The following DYNLT2B variants were observed in gnomAD, a reference collection of about 807,000 sequenced individuals.
DYNLT2B encodes dynein light chain Tctex-type protein 2B.
A neutral mutation model predicts 19.5 loss-of-function variants in DYNLT2B; 14 were observed. That is an observed-to-expected ratio of 0.72 (90% CI 0.47 to 1.12). The LOEUF is 1.12. Ranked by LOEUF, DYNLT2B falls within the 50% of genes most tolerant of loss-of-function variation. The probability of loss-of-function intolerance (pLI) is 0.00; values close to 1 mark genes in which losing one functional copy is unlikely to be tolerated. For synonymous variants in DYNLT2B, 70 were observed against 59.7 expected, an observed-to-expected ratio of 1.17 and a Z score of -0.79; for missense variants, 133 against 174.7, an observed-to-expected ratio of 0.76 and a Z score of 1.35.
chr3:196,298,556 G>A (rs896255436), intron 3 of DYNLT2B, among the ~76,000 whole-genome samples: 4 of 151,648 alleles, frequency 2.6e-5, no homozygotes, highest in Admixed American at 2.0e-4. Context: ...TCAAGCAATC[G>A]GCCCACCTCA....
chr3:196,317,154 AGTGTGTGT>A (rs199908321), intron 1 of DYNLT2B, among the ~76,000 whole-genome samples: 7 of 34,946 alleles, frequency 2.0e-4, no homozygotes, highest in African/African-American at 4.8e-4. Flanking sequence ...ATTTTTTTTC[AGTGTGTGT>A]GTGTGTGTGT....
At chr3:196,296,783 G>A (rs1478222723) in intron 3 of DYNLT2B, among the ~76,000 whole-genome samples, 2 of 152,164 alleles carry the variant, frequency 1.3e-5, no homozygotes, top group African/African-American at 2.4e-5. Context: ...ACACAGTGAC[G>A]TGTCCCTGTA....
intron 3 of DYNLT2B, among the ~76,000 whole-genome samples, chr3:196,296,981 C>T (rs60289058): frequency 0.018 from 2,668 of 147,120 alleles, 79 homozygotes; most frequent in African/African-American, 0.061. Flanking sequence ...ATCACGAGGT[C>T]GGGGGATCGA....
chr3:196,306,591 C>A (rs1428976422), intron 3 of DYNLT2B, among the ~76,000 whole-genome samples: 3 of 152,030 alleles, frequency 2.0e-5, no homozygotes, highest in African/African-American at 7.2e-5. Flanking sequence ...CTCTGTCACC[C>A]AGGCTGGAGT....
intron 3 of DYNLT2B, among the ~76,000 whole-genome samples, chr3:196,302,202 C>T (rs879286958): frequency 6.6e-6 from 1 of 152,132 alleles, no homozygotes; most frequent in Non-Finnish European, 1.5e-5. Flanking sequence ...AAAGACCAAA[C>T]ATACATGTAA....
intron 3 of DYNLT2B, among the ~76,000 whole-genome samples, chr3:196,296,927 TA>T (rs925940346): frequency 6.8e-6 from 1 of 147,452 alleles, no homozygotes; most frequent in Non-Finnish European, 1.5e-5. Flanking sequence ...CCCTGGCTCT[TA>T]AAAAAAAAAC....
intron 2 of DYNLT2B, among the ~76,000 whole-genome samples, chr3:196,312,615 C>A (rs1037471498): frequency 1.3e-5 from 2 of 151,856 alleles, no homozygotes; most frequent in East Asian, 3.9e-4. Flanking sequence ...CCCACTACCA[C>A]GCCCGGCTAA....
At chr3:196,296,128 A>C in intron 3 of DYNLT2B, 59 bp from the exon 4 acceptor site, 1 of 1,396,032 alleles carries the variant, frequency 7.2e-7, no homozygotes, top group Non-Finnish European at 1.0e-6. Flanking sequence ...AACGACACAT[A>C]TCTGCCACGA....
At chr3:196,295,077 TACTCTA>T (rs1193726999) in intron 4 of DYNLT2B, among the ~76,000 whole-genome samples, 1 of 152,146 alleles carries the variant, frequency 6.6e-6, no homozygotes, top group Non-Finnish European at 1.5e-5. Flanking sequence ...GTTTCTGTTC[TACTCTA>T]ACTCTGACTC....
At chr3:196,306,350 C>T (rs943217300) in intron 3 of DYNLT2B, among the ~76,000 whole-genome samples, 5 of 150,690 alleles carry the variant, frequency 3.3e-5, no homozygotes, top group Middle Eastern at 3.4e-3. Flanking sequence ...ATCACTTGAG[C>T]CCAGGAGGCC....
chr3:196,308,469 T>A (rs1577391717), intron 2 of DYNLT2B, among the ~76,000 whole-genome samples: 2 of 152,184 alleles, frequency 1.3e-5, no homozygotes, highest in South Asian at 2.1e-4. Flanking sequence ...CTCCAGAAAC[T>A]ACGTTGCTAA....
chr3:196,317,970 T>G, intron 1 of DYNLT2B, 70 bp downstream of exon 1: 1 of 943,400 alleles, frequency 1.1e-6, no homozygotes, highest in Non-Finnish European at 1.4e-6. Context: ...GTGGCCCAGG[T>G]CCCAGGCGAG....
intron 4 of DYNLT2B, among the ~76,000 whole-genome samples, chr3:196,294,423 C>T (rs994240657): frequency 2.0e-5 from 3 of 152,202 alleles, no homozygotes; most frequent in Non-Finnish European, 2.9e-5. Flanking sequence ...TTAAAATCAT[C>T]TACATAAGCA....
At chr3:196,318,018 C>T (rs1726933256) in intron 1 of DYNLT2B, 22 bp downstream of exon 1, 2 of 1,447,888 alleles carry the variant, frequency 1.4e-6, no homozygotes, top group South Asian at 2.7e-5. Context: ...GGTCGCCCCG[C>T]CACAGCCCGT....
chr3:196,297,299 C>T (rs1172817049), intron 3 of DYNLT2B, among the ~76,000 whole-genome samples: 6 of 151,996 alleles, frequency 3.9e-5, no homozygotes, highest in Admixed American at 2.6e-4. Context: ...CTGAGGTGGG[C>T]GAATCACCTG....
intron 3 of DYNLT2B, among the ~76,000 whole-genome samples, chr3:196,303,313 A>G (rs1379559732): frequency 6.6e-6 from 1 of 152,142 alleles, no homozygotes; most frequent in Non-Finnish European, 1.5e-5. Context: ...GGTCTCCCGC[A>G]CAGCCGGCTG....
intron 3 of DYNLT2B, among the ~76,000 whole-genome samples, chr3:196,300,730 CAAAAAAAAAAAA>C (rs1171224774): frequency 1.5e-4 from 10 of 68,852 alleles, no homozygotes; most frequent in South Asian, 1.1e-3. Flanking sequence ...ACTCTGTCTC[CAAAAAAAAAAAA>C]AAAAAAAAAA....
intron 2 of DYNLT2B, 86 bp from the exon 3 acceptor site, chr3:196,307,098 A>G (rs1726509529): frequency 8.6e-7 from 1 of 1,158,702 alleles, no homozygotes; most frequent in African/African-American, 1.5e-5. Context: ...ATGGACATAA[A>G]CATTCAATCC....
intron 3 of DYNLT2B, among the ~76,000 whole-genome samples, chr3:196,306,190 T>C (rs77054150): frequency 0.08 from 12,089 of 150,538 alleles, 609 homozygotes; most frequent in African/African-American, 0.13. Flanking sequence ...GGCTGGTGAA[T>C]TGCCTGAGCC....
Sources: allele counts gnomAD v4.1 joint callset (sites outside exome capture counted in the v4.1 genomes callset), GRCh38; gene constraint gnomAD v4.1.1; transcripts MANE v1.5; gene names NCBI Gene and HGNC (gene_info 2026-07-23, HGNC 2026-07-21).